The following DLGAP2 variants were observed in gnomAD, a reference collection of about 807,000 sequenced individuals.
DLGAP2 encodes the protein disks large-associated protein 2.
DLGAP2 carries 26 observed loss-of-function variants against 100.3 expected under a neutral mutation model. That is an observed-to-expected ratio of 0.26 (90% confidence interval 0.19 to 0.36). The LOEUF (loss-of-function observed/expected upper bound fraction) is 0.36. Ranked by LOEUF, DLGAP2 falls within the 10% of genes least tolerant of loss-of-function variation. The probability of loss-of-function intolerance (pLI) is 1.00; values close to 1 mark genes in which losing one functional copy is unlikely to be tolerated. For missense variants in DLGAP2, 1,858 were observed against 1,453.2 expected, an observed-to-expected ratio of 1.28 and a Z score of -4.53; for synonymous variants, 886 against 630.1, an observed-to-expected ratio of 1.41 and a Z score of -6.08.
chr8:985,287 C>G (rs1260930084), intron 2 of DLGAP2, among the ~76,000 whole-genome samples: 2 of 152,196 alleles, frequency 1.3e-5, no homozygotes, highest in Non-Finnish European at 2.9e-5. Flanking sequence ...TCAGCACGGT[C>G]TCATGTAGAA....
At chr8:1,454,012 T>C (rs1220387540) in intron 3 of DLGAP2, among the ~76,000 whole-genome samples, 1 of 152,200 alleles carries the variant, frequency 6.6e-6, no homozygotes, top group East Asian at 1.9e-4. Context: ...TGCCAGGCAG[T>C]GGGATCCGCT....
chr8:1,162,861 C>T (rs372054139), intron 2 of DLGAP2, among the ~76,000 whole-genome samples: 3 of 152,172 alleles, frequency 2.0e-5, no homozygotes, highest in Non-Finnish European at 2.9e-5. Flanking sequence ...ATGCTAGCCC[C>T]GGCACGGGGG....
At chr8:1,091,837 C>G (rs1004899668) in intron 2 of DLGAP2, among the ~76,000 whole-genome samples, 9 of 152,042 alleles carry the variant, frequency 5.9e-5, no homozygotes, top group Non-Finnish European at 1.0e-4. Context: ...CTCGCCATCC[C>G]CACACCTGCC....
chr8:945,466 C>T (rs1008312161), intron 2 of DLGAP2, among the ~76,000 whole-genome samples: 4 of 152,172 alleles, frequency 2.6e-5, no homozygotes, highest in Admixed American at 1.3e-4. Flanking sequence ...TCCTAGTTTA[C>T]TAGCAGCTAG....
At chr8:1,209,499 A>T (rs138392942) in intron 2 of DLGAP2, among the ~76,000 whole-genome samples, 2 of 152,174 alleles carry the variant, frequency 1.3e-5, no homozygotes, top group African/African-American at 2.4e-5. Context: ...TGTTCTGTCA[A>T]TGTTTCTTGA....
At chr8:1,595,101 C>T (rs1384583074) in intron 6 of DLGAP2, among the ~76,000 whole-genome samples, 2 of 151,780 alleles carry the variant, frequency 1.3e-5, no homozygotes, top group South Asian at 2.1e-4. Flanking sequence ...GAGTGCAGGG[C>T]GTCATCTCAG....
chr8:1,614,546 C>G (rs888613002), intron 6 of DLGAP2, among the ~76,000 whole-genome samples: 7 of 152,194 alleles, frequency 4.6e-5, no homozygotes, highest in African/African-American at 1.7e-4. Flanking sequence ...ACATGACTTA[C>G]CGGACGACCT....
intron 2 of DLGAP2, among the ~76,000 whole-genome samples, chr8:958,832 A>G (rs921480157): frequency 6.6e-5 from 10 of 152,212 alleles, no homozygotes; most frequent in African/African-American, 2.4e-4. Context: ...ATCTACAGGA[A>G]AAGATTTGAT....
chr8:1,129,018 T>C (rs1046535766), intron 2 of DLGAP2, among the ~76,000 whole-genome samples: 2 of 152,198 alleles, frequency 1.3e-5, no homozygotes, highest in Non-Finnish European at 2.9e-5. Flanking sequence ...AGTCATGTGT[T>C]TTCAGTAACA....
chr8:938,080 G>A (rs539491428), intron 2 of DLGAP2, among the ~76,000 whole-genome samples: 2 of 152,288 alleles, frequency 1.3e-5, no homozygotes, highest in East Asian at 1.9e-4. Flanking sequence ...TGAAAGAGGA[G>A]GGGTGCTGCG....
At chr8:1,466,317 G>T (rs1050872869) in intron 3 of DLGAP2, among the ~76,000 whole-genome samples, 1 of 152,104 alleles carries the variant, frequency 6.6e-6, no homozygotes, top group Non-Finnish European at 1.5e-5. Flanking sequence ...AAGCAGAGCA[G>T]TGATGAGGCC....
intron 3 of DLGAP2, among the ~76,000 whole-genome samples, chr8:1,331,946 G>T (rs1801166680): frequency 6.6e-6 from 1 of 152,104 alleles, no homozygotes; most frequent in Admixed American, 6.5e-5. Flanking sequence ...CCACTGGGGA[G>T]GGCACAGCCA....
At chr8:1,672,326 AG>A (rs1798712036) in intron 10 of DLGAP2, among the ~76,000 whole-genome samples, 1 of 149,940 alleles carries the variant, frequency 6.7e-6, no homozygotes, top group Non-Finnish European at 1.5e-5. Flanking sequence ...CCACCTCCTG[AG>A]TTCAAATGAT....
chr8:1,163,330 C>CT (rs1563223338), intron 2 of DLGAP2, among the ~76,000 whole-genome samples: 1 of 152,220 alleles, frequency 6.6e-6, no homozygotes, highest in Non-Finnish European at 1.5e-5. Context: ...TGCCTGCTGC[C>CT]GGCCTTCCCG....
intron 3 of DLGAP2, among the ~76,000 whole-genome samples, chr8:1,319,120 G>A (rs1216404508): frequency 6.6e-6 from 1 of 152,112 alleles, no homozygotes; most frequent in Non-Finnish European, 1.5e-5. Context: ...GGGCTGGAGG[G>A]CCAAGCTCAG....
chr8:1,258,384 A>G lies in DLGAP2; in HGVS notation c.74-467A>G, dbSNP rs142984312. ...CTCATTCGTAAGTGGGAGTTGAACA[A>G]TGAGAACACATGGACATAGAGGGGA... On this transcript the variant is annotated intron_variant, in intron 2 of 14. Coordinates refer to ENST00000637795, the MANE Select transcript of DLGAP2 (RefSeq NM_001346810.2). 6.3e-3 allele frequency among the ~76,000 whole-genome samples: 927 copies of G among 146,710 alleles called. 21 individuals are homozygous for G. In the East Asian group the frequency reaches 0.064, roughly 10 times the overall value.
At chr8:817,063 C>T (rs915309372) in intron 1 of DLGAP2, among the ~76,000 whole-genome samples, 4 of 150,850 alleles carry the variant, frequency 2.7e-5, no homozygotes, top group East Asian at 2.0e-4. Flanking sequence ...AAGGTGTGAA[C>T]CTGGGAGGCG....
At chr8:903,655 G>T (rs1382116459) in intron 1 of DLGAP2, among the ~76,000 whole-genome samples, 2 of 152,122 alleles carry the variant, frequency 1.3e-5, no homozygotes, top group Admixed American at 1.3e-4. Context: ...TAGTGACTTG[G>T]TGAATGGCAC....
intron 1 of DLGAP2, among the ~76,000 whole-genome samples, chr8:830,390 A>G (rs1796759249): frequency 6.6e-6 from 1 of 152,076 alleles, no homozygotes; most frequent in South Asian, 2.1e-4. Flanking sequence ...CAAATATTAG[A>G]TCTTATTCAT....
Sources: gnomAD v4.1 joint callset for allele counts (sites outside exome capture counted in the v4.1 genomes callset) on GRCh38, gnomAD v4.1.1 for gene constraint, MANE v1.5 for transcripts, NCBI Gene and HGNC (gene_info 2026-07-23, HGNC 2026-07-21) for gene names.